The following KIAA1549L variants were observed in gnomAD, a reference collection of about 807,000 sequenced individuals.
KIAA1549L encodes the protein KIAA1549 like.
Under a neutral mutation model 160.7 loss-of-function variants are expected in KIAA1549L, and 88 were observed. The ratio of observed to expected loss-of-function variants is 0.55; its 90% CI spans 0.46 to 0.65. KIAA1549L has a LOEUF of 0.65. Ranked by LOEUF, KIAA1549L falls within the 30% of genes least tolerant of loss-of-function variation. KIAA1549L has a pLI of 0.00. For missense variants in KIAA1549L, 2,258 were observed against 2,437.5 expected, an observed-to-expected ratio of 0.93 and a Z score of 1.55; for synonymous variants, 950 against 976.7, an observed-to-expected ratio of 0.97 and a Z score of 0.51.
intron 17 of KIAA1549L, among the ~76,000 whole-genome samples, chr11:33,649,860 C>CAA (rs1197298537): frequency 0.077 from 7,276 of 94,930 alleles, 659 homozygotes; most frequent in African/African-American, 0.24. Flanking sequence ...AATCCCATCT[C>CAA]AAAAAAAAAA....
At position 33,543,625 on chromosome 11, in the gene KIAA1549L, A is replaced by G. The variant is rs1854115722; in HGVS notation, c.2062A>G (p.Lys688Glu). 2.5e-6 allele frequency: 4 copies of G among 1,613,814 alleles called. No individual in the cohort carries two copies. Among genetic ancestry groups the G allele is most frequent in the Middle Eastern group, 1.6e-4 (1 of 6,084 alleles). Residue 688 changes from lysine to glutamate, a missense_variant, in exon 2 of 21, where the codon AAA (lysine) becomes GAA (glutamate). Transcript: ENST00000658780. ...VYDSLTIGDMKKPATTDVFWS... is the reference protein window; with the variant it reads ...VYDSLTIGDMEKPATTDVFWS... ...TGATTCCTTAACAATAGGAGACATG[A>G]AAAAGCCAGCAACCACAGATGTTTT...
chr11:33,440,120 C>CTTT lies in KIAA1549L; in HGVS notation c.238+63256_238+63258dup, dbSNP rs201551936. Among the ~76,000 whole-genome samples, 19 of 83,426 alleles carry CTTT rather than the reference C, an allele frequency of 2.3e-4. 2 individuals carry two copies. The highest frequency in any genetic ancestry group is 4.7e-4 in the African/African-American group (10 of 21,288). 54.7% of individuals were successfully genotyped at this position (83,426 alleles called of 152,430 possible). On this transcript the variant is annotated intron_variant, in intron 1 of 20. Coordinates refer to ENST00000658780, the MANE Select transcript of KIAA1549L (RefSeq NM_012194.3). Reference sequence around the variant, plus strand: ...GGTTATTTCCTCACCTATTTTGTTTCTTTTTTTTTTTTTTTTTTTTTTTTT... The same window carrying CTTT: ...GGTTATTTCCTCACCTATTTTGTTTCTTTTTTTTTTTTTTTTTTTTTTTTTTTT...
At position 33,667,952 on chromosome 11, in the gene KIAA1549L, A is replaced by ACAGC. The variant is rs1285720271; in HGVS notation, c.6250_6253dup (p.Asn2085SerfsTer29). On this transcript the variant is annotated frameshift_variant, in exon 21 of 21. Coordinates refer to ENST00000658780, the MANE Select transcript of KIAA1549L (RefSeq NM_012194.3). LOFTEE classifies it high-confidence loss of function. ...TCTCCCTCCAGGCTTCCTCGTCAGT[A>ACAGC]CAGCCAGCCAGCCAACCTGCACCCC... 25 of 1,613,838 alleles carry ACAGC rather than the reference A, an allele frequency of 1.5e-5. No homozygotes were observed. The highest frequency in any genetic ancestry group is 1.9e-5 in the Non-Finnish European group (22 of 1,179,858).
chr11:33,448,112 G>A (rs1034716915), intron 1 of KIAA1549L, among the ~76,000 whole-genome samples: 6 of 151,868 alleles, frequency 4.0e-5, no homozygotes, highest in South Asian at 2.1e-4. Flanking sequence ...TTTAAATTCC[G>A]GGATACATGT....
At chr11:33,604,506 A>G (rs1056508260) in intron 13 of KIAA1549L, among the ~76,000 whole-genome samples, 13 of 152,214 alleles carry the variant, frequency 8.5e-5, no homozygotes, top group South Asian at 4.1e-4. Flanking sequence ...ACACTTGCAC[A>G]TGTGTGTTTA....
intron 1 of KIAA1549L, among the ~76,000 whole-genome samples, chr11:33,424,406 T>A (rs959924400): frequency 6.6e-6 from 1 of 152,216 alleles, no homozygotes; most frequent in Non-Finnish European, 1.5e-5. Flanking sequence ...GAAACCATTA[T>A]ACATCCACCT....
intron 1 of KIAA1549L, among the ~76,000 whole-genome samples, chr11:33,457,155 C>T (rs1335578592): frequency 6.9e-6 from 1 of 144,198 alleles, no homozygotes; most frequent in Non-Finnish European, 1.6e-5. Flanking sequence ...CAGGGTAGTC[C>T]CCTGTCCAGA....
At chr11:33,601,291 A>G (rs1850354321) in intron 13 of KIAA1549L, among the ~76,000 whole-genome samples, 1 of 152,196 alleles carries the variant, frequency 6.6e-6, no homozygotes, top group Non-Finnish European at 1.5e-5. Context: ...TTTCCAGTAG[A>G]ACCAATAGAA....
At chr11:33,523,427 T>C (rs1014281455) in intron 1 of KIAA1549L, among the ~76,000 whole-genome samples, 5 of 152,246 alleles carry the variant, frequency 3.3e-5, no homozygotes, top group African/African-American at 1.2e-4. Context: ...ATCTATTTAT[T>C]GGAACATATG....
chr11:33,422,320 A>G (rs915351049), intron 1 of KIAA1549L, among the ~76,000 whole-genome samples: 10 of 152,060 alleles, frequency 6.6e-5, no homozygotes, highest in African/African-American at 2.2e-4. Context: ...TCCCCAATAC[A>G]TTGTATTCTT....
chr11:33,477,948 G>C (rs1238867749), intron 1 of KIAA1549L, among the ~76,000 whole-genome samples: 1 of 152,226 alleles, frequency 6.6e-6, no homozygotes, highest in Non-Finnish European at 1.5e-5. Context: ...CAGAGCACCT[G>C]CTGTACTAAA....
intron 1 of KIAA1549L, among the ~76,000 whole-genome samples, chr11:33,404,150 TA>T (rs1203650985): frequency 6.6e-6 from 1 of 152,214 alleles, no homozygotes; most frequent in Non-Finnish European, 1.5e-5. Flanking sequence ...ATGGATCCTT[TA>T]AATCTCCTGT....
intron 1 of KIAA1549L, among the ~76,000 whole-genome samples, chr11:33,502,393 A>G (rs953838729): frequency 2.6e-5 from 4 of 152,022 alleles, no homozygotes; most frequent in African/African-American, 7.3e-5. Flanking sequence ...TAGCTTATCT[A>G]TTTTTCCTCT....
chr11:33,504,451 C>CT lies in KIAA1549L; in HGVS notation c.239-37349dup, dbSNP rs149558609. ...GCAGATTTCCCTTCCCTTCCCTTCC[C>CT]TTCCCTTCCCTTTCCCTTTCTCTTT... On this transcript the variant is annotated intron_variant, in intron 1 of 20. Coordinates refer to ENST00000658780, the MANE Select transcript of KIAA1549L (RefSeq NM_012194.3). 7.8e-3 allele frequency among the ~76,000 whole-genome samples: 1,181 copies of CT among 151,942 alleles called. 12 individuals are homozygous for CT. Among genetic ancestry groups the CT allele is most frequent in the African/African-American group, 0.027 (1,131 of 41,434 alleles).
At position 33,503,806 on chromosome 11, in the gene KIAA1549L, T is replaced by C. The variant is rs116004528; in HGVS notation, c.239-37996T>C. ...CCAGGCTTTTCTCACCTCACAATTC[T>C]GTGAATGTAACCCTTCAATTATTAA... On this transcript the variant is annotated intron_variant, in intron 1 of 20. Coordinates refer to ENST00000658780, the MANE Select transcript of KIAA1549L (RefSeq NM_012194.3). 7.1e-3 allele frequency among the ~76,000 whole-genome samples: 1,075 copies of C among 152,358 alleles called. 16 individuals carry two copies. Among genetic ancestry groups the C allele is most frequent in the African/African-American group, 0.025 (1,036 of 41,578 alleles).
At chr11:33,523,933 A>C (rs1220594242) in intron 1 of KIAA1549L, among the ~76,000 whole-genome samples, 22 of 151,688 alleles carry the variant, frequency 1.5e-4, no homozygotes, top group Admixed American at 1.4e-3. Flanking sequence ...ACATATTTTG[A>C]TCATTGTTTT....
In KIAA1549L at chr11:33,659,054, A is replaced by G. The variant is rs577709340; in HGVS notation, c.6007+156A>G. Reference sequence around the variant, plus strand: ...CCTCATAACTTCAGGAGCCCCAACTAAAAGAGCTGCTGATTTTCTTTCTTT... The same window carrying G: ...CCTCATAACTTCAGGAGCCCCAACTGAAAGAGCTGCTGATTTTCTTTCTTT... On this transcript the variant is annotated intron_variant, in intron 19 of 20. Coordinates refer to ENST00000658780, the MANE Select transcript of KIAA1549L (RefSeq NM_012194.3). Among the ~76,000 whole-genome samples, 37 of 152,324 alleles carry G rather than the reference A, an allele frequency of 2.4e-4. 2 individuals carry two copies. In the South Asian group the frequency reaches 7.5e-3, roughly 31 times the overall value.
chr11:33,497,459 T>C (rs1852846426), intron 1 of KIAA1549L, among the ~76,000 whole-genome samples: 1 of 152,188 alleles, frequency 6.6e-6, no homozygotes, highest in Non-Finnish European at 1.5e-5. Flanking sequence ...TTAGGTATGA[T>C]GTCCTTTTTG....
At chr11:33,590,649 T>C (rs1850025465) in intron 11 of KIAA1549L, among the ~76,000 whole-genome samples, 1 of 152,246 alleles carries the variant, frequency 6.6e-6, no homozygotes, top group African/African-American at 2.4e-5. Flanking sequence ...TTAATGATTG[T>C]ACGGCTTCAC....
Sources: gnomAD v4.1 joint callset for allele counts (sites outside exome capture counted in the v4.1 genomes callset) on GRCh38, gnomAD v4.1.1 for gene constraint, MANE v1.5 for transcripts, NCBI Gene and HGNC (gene_info 2026-07-23, HGNC 2026-07-21) for gene names.